The following CENPE variants were observed in gnomAD, a reference collection of about 807,000 sequenced individuals.
The protein encoded by CENPE is centromere protein E, also known as centromere-associated protein E.
CENPE carries 145 observed loss-of-function variants against 336.1 expected under a neutral mutation model. The ratio of observed to expected loss-of-function variants is 0.43; its 90% CI spans 0.38 to 0.50. The LOEUF is 0.50. Among genes scored for constraint, CENPE ranks in the 20% least tolerant of loss-of-function variants. The probability of loss-of-function intolerance (pLI) is 0.00; values close to 1 mark genes in which losing one functional copy is unlikely to be tolerated. For synonymous variants in CENPE, 1,013 were observed against 984.8 expected (o/e 1.03, Z -0.54); for missense variants, 2,719 against 3,023.3 (o/e 0.90, Z 2.36).
At chr4:103,132,558 C>A in intron 42 of CENPE, 135 bp downstream of exon 42, 1 of 446,656 alleles carries the variant, frequency 2.2e-6, no homozygotes. Context: ...AGAGGAAGAA[C>A]ACGTTTTATC....
intron 8 of CENPE, among the ~76,000 whole-genome samples, chr4:103,189,361 C>T (rs1338610058): frequency 1.3e-5 from 2 of 152,034 alleles, no homozygotes; most frequent in Non-Finnish European, 1.5e-5. Flanking sequence ...CAGACCAATA[C>T]CCCTGATGAA....
intron 45 of CENPE, 126 bp from the exon 46 acceptor site, chr4:103,114,678 T>C: frequency 1.6e-6 from 1 of 638,144 alleles, no homozygotes; most frequent in South Asian, 1.9e-5. Context: ...TGGCAGTAGA[T>C]AAGCCCTCGT....
chr4:103,170,266 C>G (rs889460357), intron 16 of CENPE, among the ~76,000 whole-genome samples: 1 of 151,972 alleles, frequency 6.6e-6, no homozygotes, highest in African/African-American at 2.4e-5. Context: ...ACATGTACCC[C>G]AGAACTTAAA....
At chr4:103,161,809 A>C (rs550370798) in intron 18 of CENPE, among the ~76,000 whole-genome samples, 19 of 152,230 alleles carry the variant, frequency 1.2e-4, no homozygotes, top group African/African-American at 4.3e-4. Flanking sequence ...GTAAGTGGCT[A>C]ACAGTTAAAT....
chr4:103,194,836 T>G, intron 5 of CENPE, 152 bp from the exon 6 acceptor site: 1 of 623,198 alleles, frequency 1.6e-6, no homozygotes, highest in Non-Finnish European at 2.6e-6. Context: ...AATAATTCTA[T>G]GAATACCCAC....
chr4:103,125,683 G>A lies in CENPE; in HGVS notation c.6925-2594C>T, dbSNP rs544312963. On this transcript the variant is annotated intron_variant, in intron 42 of 48. Coordinates refer to ENST00000265148, the MANE Select transcript of CENPE (RefSeq NM_001813.3). Reference sequence around the variant, plus strand: ...ATTGAGATCATCCTGGCCAACAGGTGAAACCCCGTCTCTACTAAAAAAAAT... The same window carrying A: ...ATTGAGATCATCCTGGCCAACAGGTAAAACCCCGTCTCTACTAAAAAAAAT... 1.8e-4 allele frequency among the ~76,000 whole-genome samples: 27 copies of A among 152,070 alleles called. No homozygotes were observed. In the South Asian group the frequency reaches 5.4e-3, roughly 30 times the overall value.
intron 48 of CENPE, 56 bp downstream of exon 48, chr4:103,108,747 A>C: frequency 6.7e-7 from 1 of 1,488,064 alleles, no homozygotes. Flanking sequence ...TCACATATTA[A>C]TGATAAGTTC....
intron 16 of CENPE, among the ~76,000 whole-genome samples, chr4:103,169,650 A>G (rs1755228557): frequency 6.6e-6 from 1 of 152,156 alleles, no homozygotes; most frequent in Admixed American, 6.5e-5. Context: ...GCTGGAGAGG[A>G]TGTGGAGAAA....
chr4:103,140,705 C>T lies in CENPE; in HGVS notation c.5754+109G>A, dbSNP rs1752478049. On this transcript the variant is annotated intron_variant, in intron 36 of 48. Transcript: ENST00000265148. ...GATAGTGCCTTATTATTGGTGGACA[C>T]TTAGATTATTTCTAGGTTTTAGTCA... The T allele has an allele frequency of 6.8e-6, 6 of 876,218 alleles. No individual in the cohort carries two copies. The South Asian group carries it at 7.8e-5, about 11-fold the overall frequency. 54.3% of individuals were successfully genotyped at this position (876,218 alleles called of 1,614,324 possible). A position where few individuals can be genotyped will look rare whatever the true frequency, so the allele number is the denominator to read the frequency against.
chr4:103,185,616 C>T (rs1468153349), intron 9 of CENPE, among the ~76,000 whole-genome samples, 194 bp downstream of exon 9: 1 of 151,634 alleles, frequency 6.6e-6, no homozygotes, highest in Non-Finnish European at 1.5e-5. Flanking sequence ...CTATTGTAGA[C>T]TAAAATAAAA....
Position 103,174,840 on chromosome 4 carries a change from C to T in CENPE, c.1543G>A (p.Glu515Lys). 6.5e-7 allele frequency: 1 copy of T among 1,542,384 alleles called. No individual in the cohort carries two copies. The highest frequency in any genetic ancestry group is 1.2e-5 in the South Asian group (1 of 80,498). The change falls in exon 16 of 49, where the codon GAA becomes AAA. Residue 515 changes from glutamate (E) to lysine (K), a missense_variant. Glu to Lys is a moderately conservative substitution (Grantham distance 56). This residue lies in a region of CENPE where 2,437 missense variants were observed against 2,513.3 expected (regional missense o/e 0.97). Coordinates refer to ENST00000265148, the MANE Select transcript of CENPE (RefSeq NM_001813.3). ...ADYDNLVLDY[E>K]QLRTEKEEME... is the part of the protein sequence containing the mutation. ...TCTTCTTTTTCTGTTCGTAGTTGTT[C>T]ATAGTCTAATACCAGATTATCATAG...
At chr4:103,118,599 C>T (rs527956561) in intron 44 of CENPE, among the ~76,000 whole-genome samples, 5 of 152,128 alleles carry the variant, frequency 3.3e-5, no homozygotes, top group Non-Finnish European at 5.9e-5. Flanking sequence ...CTTAAAAAAT[C>T]GCCAAACCCA....
At chr4:103,146,160 G>C (rs1026588413) in intron 29 of CENPE, 53 bp from the exon 30 acceptor site, 8 of 1,519,820 alleles carry the variant, frequency 5.3e-6, no homozygotes, top group Non-Finnish European at 7.1e-6. Flanking sequence ...TTGTGTTTTA[G>C]GGGAAAATAA....
rs764256541 is a variant in CENPE, at chr4:103,196,049, C to A, written c.239-11G>T. On this transcript the variant is annotated splice_polypyrimidine_tract_variant and intron_variant, in intron 3 of 48. Transcript: ENST00000265148. ...AGGCAAATATAGTACCTGCAAAAAA[C>A]AAAACACACATACGCAAAGATTAAA... 2 of 1,601,368 alleles carry A rather than the reference C, an allele frequency of 1.2e-6. No homozygotes were observed. The highest frequency in any genetic ancestry group is 1.1e-5 in the South Asian group (1 of 90,778).
chr4:103,194,193 C>A, intron 8 of CENPE, 36 bp downstream of exon 8: 1 of 1,532,056 alleles, frequency 6.5e-7, no homozygotes, highest in Non-Finnish European at 9.0e-7. Context: ...TTGTTTTGGC[C>A]CATACAGTAC....
At position 103,182,860 on chromosome 4, in the gene CENPE, T is replaced by C; in HGVS notation, c.865A>G (p.Thr289Ala). Residue 289 changes from threonine to alanine, a missense_variant, in exon 11 of 49, where the codon ACA (threonine) becomes GCA (alanine). Around this residue, in one of 5 missense-constraint regions of CENPE, gnomAD observed 117 missense variants for 215.8 expected, o/e 0.54. Transcript: ENST00000265148. ...GFINYRDSKL[T>A]RILQNSLGGN... The stretch of plus-strand genomic sequence containing the variant: ...CCCAAGGAATTCTGGAGAATTCGTG[T>C]TAACTTGCTATCTCGATAATTTATG... 1 of 1,612,608 alleles carries C rather than the reference T, an allele frequency of 6.2e-7. No homozygotes were observed. The highest frequency in any genetic ancestry group is 8.5e-7 in the Non-Finnish European group (1 of 1,179,028).
chr4:103,141,646 A>G (rs1245590450), intron 35 of CENPE, 104 bp downstream of exon 35: 1 of 738,374 alleles, frequency 1.4e-6, no homozygotes, highest in East Asian at 2.8e-5. Context: ...ATTAGTAAAT[A>G]CTGCCAAGGT....
chr4:103,136,050 T>C (rs1752041380), intron 40 of CENPE, 91 bp downstream of exon 40: 2 of 1,057,936 alleles, frequency 1.9e-6, no homozygotes, highest in Non-Finnish European at 2.8e-6. Flanking sequence ...GAATACTAAA[T>C]AGCAAATATG....
chr4:103,163,607 GCAAAA>G, intron 16 of CENPE, 54 bp from the exon 17 acceptor site: 1 of 198,410 alleles, frequency 5.0e-6, no homozygotes, highest in Non-Finnish European at 7.7e-6. Context: ...ATAAAGCAAA[GCAAAA>G]AAAAAAAAAA....
Sources: gnomAD v4.1 joint callset for allele counts (sites outside exome capture counted in the v4.1 genomes callset) on GRCh38, gnomAD v4.1.1 for gene constraint, gnomAD v4.1.1 regional missense constraint, MANE v1.5 for transcripts, NCBI Gene and HGNC (gene_info 2026-07-23, HGNC 2026-07-21) for gene names.